The following NBEA variants were observed in gnomAD, a reference collection of about 807,000 sequenced individuals.
NBEA encodes the protein neurobeachin, also known as lysosomal-trafficking regulator 2.
A neutral mutation model predicts 343.4 loss-of-function variants in NBEA; 44 were observed. That is an observed-to-expected ratio of 0.13 (90% confidence interval 0.10 to 0.16). The LOEUF (loss-of-function observed/expected upper bound fraction) is 0.16, where lower values mean the gene tolerates loss of function less well. Among genes scored for constraint, NBEA ranks in the 10% least tolerant of loss-of-function variants. The pLI is 1.00. For missense variants in NBEA, 2,555 were observed against 3,631.3 expected, an observed-to-expected ratio of 0.70 and a Z score of 7.62; for synonymous variants, 1,175 against 1,238.7, an observed-to-expected ratio of 0.95 and a Z score of 1.08.
intron 25 of NBEA, among the ~76,000 whole-genome samples, chr13:35,169,445 CTAAAAT>C (rs1455861429): frequency 2.4e-4 from 36 of 151,320 alleles, no homozygotes; most frequent in Admixed American, 1.9e-3. Flanking sequence ...GCCTTCTACT[CTAAAAT>C]TTAATTTTTT....
At chr13:35,061,916 T>C (rs779330277) in intron 8 of NBEA, among the ~76,000 whole-genome samples, 2 of 151,714 alleles carry the variant, frequency 1.3e-5, no homozygotes, top group African/African-American at 4.8e-5. Flanking sequence ...CTGATATCCT[T>C]ATTTTTTGCT....
At chr13:35,598,565 G>C (rs1461087843) in intron 47 of NBEA, among the ~76,000 whole-genome samples, 2 of 152,192 alleles carry the variant, frequency 1.3e-5, no homozygotes, top group East Asian at 3.8e-4. Flanking sequence ...CTTTAAAACT[G>C]TGTAGCCTTT....
At chr13:35,247,689 C>A (rs1374004368) in intron 34 of NBEA, among the ~76,000 whole-genome samples, 1 of 152,090 alleles carries the variant, frequency 6.6e-6, no homozygotes, top group Non-Finnish European at 1.5e-5. Flanking sequence ...TCTGTGGATT[C>A]TCTCGGCTTT....
At chr13:35,187,134 G>C (rs904846186) in intron 30 of NBEA, among the ~76,000 whole-genome samples, 2 of 151,740 alleles carry the variant, frequency 1.3e-5, no homozygotes, top group African/African-American at 4.8e-5. Flanking sequence ...AAATGTGTCA[G>C]CGAATGATGG....
At chr13:35,593,268 A>G in intron 46 of NBEA, 60 bp from the exon 47 acceptor site, 1 of 1,573,738 alleles carries the variant, frequency 6.4e-7, no homozygotes, top group Non-Finnish European at 8.6e-7. Flanking sequence ...ATGTTTCACA[A>G]AGGAACGAGG....
chr13:35,589,305 A>G lies in NBEA; in HGVS notation c.7177-4023A>G, dbSNP rs533943036. Among the ~76,000 whole-genome samples, 7 of 152,230 alleles carry G rather than the reference A, an allele frequency of 4.6e-5. No individual in the cohort carries two copies. The South Asian group carries it at 1.5e-3, about 32-fold the overall frequency. ...TCCATTTGTTAGAATGTGACCTTGA[A>G]TTTTCTCAGATATAAAAGGGGAATA... On this transcript the variant is annotated intron_variant, in intron 46 of 58. Transcript: ENST00000379939.
At chr13:35,413,340 C>A (rs926807994) in intron 38 of NBEA, among the ~76,000 whole-genome samples, 38 of 152,108 alleles carry the variant, frequency 2.5e-4, no homozygotes, top group African/African-American at 6.8e-4. Context: ...AAGGGAAATT[C>A]TGTTTCTTAT....
intron 41 of NBEA, among the ~76,000 whole-genome samples, chr13:35,542,839 ATC>A (rs1324924510): frequency 6.6e-6 from 1 of 152,078 alleles, no homozygotes; most frequent in African/African-American, 2.4e-5. Context: ...TACTATTATC[ATC>A]TGTTTTAAGA....
At chr13:35,523,576 A>G (rs1432308532) in intron 41 of NBEA, among the ~76,000 whole-genome samples, 4 of 152,276 alleles carry the variant, frequency 2.6e-5, no homozygotes, top group Middle Eastern at 3.4e-3. Flanking sequence ...ATCACTCAGG[A>G]GGAGGAAGCT....
At chr13:35,085,173 A>G (rs902652716) in intron 10 of NBEA, among the ~76,000 whole-genome samples, 1 of 152,166 alleles carries the variant, frequency 6.6e-6, no homozygotes, top group Non-Finnish European at 1.5e-5. Context: ...AGCTGGTACC[A>G]TTCCTTCTGA....
Position 35,470,307 on chromosome 13 carries a change from C to T in NBEA, c.6449-2093C>T, listed in dbSNP as rs2075586507. ...AGATATGCTCCCCACGGAAAGTTCACGGATGTGTACTTAAAATTTGTAATG... is the reference window on the plus strand; with the variant it reads ...AGATATGCTCCCCACGGAAAGTTCATGGATGTGTACTTAAAATTTGTAATG... On this transcript the variant is annotated intron_variant, in intron 40 of 58. Coordinates refer to ENST00000379939, the MANE Select transcript of NBEA (RefSeq NM_001385012.1). 2.6e-5 allele frequency among the ~76,000 whole-genome samples: 4 copies of T among 152,006 alleles called. No individual in the cohort carries two copies. The South Asian group carries it at 8.3e-4, about 32-fold the overall frequency.
chr13:35,466,720 C>T (rs2075401003), intron 40 of NBEA, among the ~76,000 whole-genome samples: 1 of 152,118 alleles, frequency 6.6e-6, no homozygotes, highest in Non-Finnish European at 1.5e-5. Flanking sequence ...CCTCCCGCCT[C>T]AGCCTGCCAA....
chr13:35,063,151 G>C (rs934484374), intron 8 of NBEA, among the ~76,000 whole-genome samples: 9 of 151,880 alleles, frequency 5.9e-5, no homozygotes, highest in African/African-American at 2.2e-4. Flanking sequence ...CTACAGATAA[G>C]GTACACTAAA....
chr13:35,310,033 A>G (rs2037250972), intron 36 of NBEA, among the ~76,000 whole-genome samples: 1 of 152,046 alleles, frequency 6.6e-6, no homozygotes, highest in Non-Finnish European at 1.5e-5. Flanking sequence ...AAATATAGCA[A>G]ATATATCTGT....
intron 34 of NBEA, among the ~76,000 whole-genome samples, chr13:35,287,077 T>C (rs2035475174): frequency 6.6e-6 from 1 of 152,042 alleles, no homozygotes; most frequent in Non-Finnish European, 1.5e-5. Flanking sequence ...TTCCTTACTG[T>C]TAGAATATCT....
At chr13:35,593,641 C>T (rs780243855) in intron 47 of NBEA, among the ~76,000 whole-genome samples, 194 bp downstream of exon 47, 5 of 151,918 alleles carry the variant, frequency 3.3e-5, no homozygotes, top group Non-Finnish European at 7.4e-5. Context: ...TCATATTACC[C>T]AGTGAAGGTG....
chr13:35,146,662 A>G (rs1462437082), intron 18 of NBEA, among the ~76,000 whole-genome samples: 1 of 151,966 alleles, frequency 6.6e-6, no homozygotes, highest in Non-Finnish European at 1.5e-5. Flanking sequence ...AGCAACCATT[A>G]CCTTTAAGTT....
At chr13:35,627,775 T>A (rs1249453753) in intron 48 of NBEA, among the ~76,000 whole-genome samples, 1 of 152,202 alleles carries the variant, frequency 6.6e-6, no homozygotes, top group African/African-American at 2.4e-5. Context: ...GAGTGTGTTT[T>A]AATAAGAAAT....
rs117098184 is a variant in NBEA, at chr13:35,004,257, T to C, written c.295-36676T>C. ...GTGCACACACGTGTGCATGTATTTT[T>C]GTAATAGAATGATTTATATTCCTTG... On this transcript the variant is annotated intron_variant, in intron 1 of 58. Transcript: ENST00000379939. Among the ~76,000 whole-genome samples the C allele has an allele frequency of 2.0e-5, 3 of 152,332 alleles. No individual in the cohort carries two copies. In the East Asian group the frequency reaches 5.8e-4, roughly 29 times the overall value.
Sources: allele counts gnomAD v4.1 joint callset (sites outside exome capture counted in the v4.1 genomes callset), GRCh38; gene constraint gnomAD v4.1.1; transcripts MANE v1.5; gene names NCBI Gene and HGNC (gene_info 2026-07-23, HGNC 2026-07-21).